PHF14: variants seen among roughly 807,000 people sequenced by gnomAD.
PHF14 encodes the protein PHD finger protein 14.
A neutral mutation model predicts 117.9 loss-of-function variants in PHF14; 55 were observed. That is an observed-to-expected ratio of 0.47 (90% CI 0.38 to 0.58). The LOEUF (loss-of-function observed/expected upper bound fraction) is 0.58. PHF14 is among the 20% of genes least tolerant of loss of function. The pLI, the probability that PHF14 is intolerant of heterozygous loss-of-function variation, is 0.00. For missense variants in PHF14, 978 were observed against 1,122.2 expected (o/e 0.87, Z 1.84); for synonymous variants, 409 against 368.6 (o/e 1.11, Z -1.26).
intron 16 of PHF14, chr7:11,109,252 G>A (rs1264359031): frequency 6.6e-6 from 1 of 151,738 alleles, no homozygotes; most frequent in Non-Finnish European, 1.5e-5. Context: ...ATAGTTTTCA[G>A]GCAAGTGAGG....
Position 11,092,504 on chromosome 7 carries a change from A to C in PHF14, c.2655-18846A>C, listed in dbSNP as rs559192636. Among the ~76,000 whole-genome samples, 3 of 152,248 alleles carry C rather than the reference A, an allele frequency of 2.0e-5. No homozygotes were observed. In the South Asian group the frequency reaches 6.2e-4, roughly 32 times the overall value. On this transcript the variant is annotated intron_variant, in intron 16 of 17. Transcript: ENST00000634607. ...AGAGATACAAAAATATCACCTATAG[A>C]AGGAATTACAGAAAAATAAGCAAAA...
intron 17 of PHF14, among the ~76,000 whole-genome samples, chr7:11,144,531 G>A (rs1196257249): frequency 6.7e-6 from 1 of 149,386 alleles, no homozygotes; most frequent in African/African-American, 2.5e-5. Context: ...AATAAACTAT[G>A]TACCTGCACC....
chr7:11,157,388 C>CG, intron 17 of PHF14, among the ~76,000 whole-genome samples: 1 of 98,578 alleles, frequency 1.0e-5, no homozygotes, highest in Admixed American at 1.0e-4. Context: ...CAATGGGTTA[C>CG]CAAAAAAAAA....
intron 16 of PHF14, among the ~76,000 whole-genome samples, chr7:11,095,819 A>G (rs562069107): frequency 6.6e-6 from 1 of 152,302 alleles, no homozygotes; most frequent in Admixed American, 6.5e-5. Context: ...AGAGTATGAG[A>G]TAAAACCTCA....
intron 16 of PHF14, among the ~76,000 whole-genome samples, chr7:11,085,759 A>G (rs1378956656): frequency 1.3e-5 from 2 of 151,964 alleles, no homozygotes; most frequent in Admixed American, 6.6e-5. Flanking sequence ...GGGTCTCACT[A>G]TATTGTCCAG....
At chr7:11,077,618 AAAAG>A (rs1313559802) in intron 16 of PHF14, among the ~76,000 whole-genome samples, 2 of 151,542 alleles carry the variant, frequency 1.3e-5, no homozygotes, top group African/African-American at 4.9e-5. Flanking sequence ...AAAAAAAAAA[AAAAG>A]ACAGATTCAA....
At chr7:11,161,283 G>A (rs994256118) in intron 17 of PHF14, among the ~76,000 whole-genome samples, 2 of 152,006 alleles carry the variant, frequency 1.3e-5, no homozygotes, top group East Asian at 3.9e-4. Context: ...ACAATGAGTC[G>A]AGTGTTGTAT....
chr7:11,150,194 G>C (rs1237052234), intron 17 of PHF14, among the ~76,000 whole-genome samples: 1 of 152,134 alleles, frequency 6.6e-6, no homozygotes, highest in Admixed American at 6.6e-5. Flanking sequence ...GAAGGGAGGA[G>C]AATGGGATGG....
chr7:11,125,365 A>G (rs1363634111), intron 17 of PHF14, among the ~76,000 whole-genome samples: 2 of 152,142 alleles, frequency 1.3e-5, no homozygotes, highest in Non-Finnish European at 2.9e-5. Context: ...TACTTTGTGT[A>G]CACTGGCAGT....
At chr7:10,987,862 C>G (rs1026113755) in intron 3 of PHF14, among the ~76,000 whole-genome samples, 3 of 151,584 alleles carry the variant, frequency 2.0e-5, no homozygotes, top group African/African-American at 7.3e-5. Context: ...TCTGTTAAAA[C>G]AGATCTAGCT....
chr7:10,995,365 T>C (rs1583342225), intron 4 of PHF14, among the ~76,000 whole-genome samples: 1 of 151,140 alleles, frequency 6.6e-6, no homozygotes, highest in African/African-American at 2.4e-5. Context: ...AGACACAGAG[T>C]GCTGATTGGT....
At chr7:11,036,307 A>T (rs1784325574) in intron 8 of PHF14, 111 bp from the exon 9 acceptor site, 1 of 943,180 alleles carries the variant, frequency 1.1e-6, no homozygotes, top group African/African-American at 1.7e-5. Flanking sequence ...CTTTGGTGTG[A>T]GAAGTTCTGA....
intron 16 of PHF14, among the ~76,000 whole-genome samples, chr7:11,072,089 A>G (rs117256719): frequency 0.047 from 7,185 of 152,306 alleles, 224 homozygotes; most frequent in Non-Finnish European, 0.075. Context: ...TAATTTACTA[A>G]GAAAAGATAT....
chr7:10,996,870 C>G (rs1409537843), intron 4 of PHF14, among the ~76,000 whole-genome samples: 1 of 152,214 alleles, frequency 6.6e-6, no homozygotes, highest in Admixed American at 6.5e-5. Context: ...CAGGAACATA[C>G]AGGAGCAAGT....
chr7:11,113,762 G>A (rs1368198952), intron 17 of PHF14, among the ~76,000 whole-genome samples: 1 of 152,024 alleles, frequency 6.6e-6, no homozygotes, highest in Non-Finnish European at 1.5e-5. Flanking sequence ...AATTTCTGTT[G>A]GCATTTTCTT....
intron 17 of PHF14, among the ~76,000 whole-genome samples, chr7:11,147,512 C>A (rs1023970959): frequency 6.6e-6 from 1 of 152,206 alleles, no homozygotes; most frequent in South Asian, 2.1e-4. Flanking sequence ...ATGTCACTTA[C>A]AATCTCTTTC....
At chr7:11,114,431 CCTGT>C (rs150892929) in intron 17 of PHF14, among the ~76,000 whole-genome samples, 1,921 of 152,022 alleles carry the variant, frequency 0.013, 35 homozygotes, top group African/African-American at 0.044. Flanking sequence ...TATCTTTACC[CCTGT>C]CTATTACTTT....
At chr7:11,049,287 A>G (rs1397699583) in intron 13 of PHF14, among the ~76,000 whole-genome samples, 7 of 152,084 alleles carry the variant, frequency 4.6e-5, no homozygotes, top group Non-Finnish European at 5.9e-5. Context: ...AGCTTGGCCA[A>G]CATATAGTGA....
intron 17 of PHF14, among the ~76,000 whole-genome samples, chr7:11,162,249 C>T (rs1789068068): frequency 6.6e-6 from 1 of 151,718 alleles, no homozygotes; most frequent in Non-Finnish European, 1.5e-5. Context: ...CCACCATACC[C>T]AGCTAATTTT....
Sources: gnomAD v4.1 joint callset for allele counts (sites outside exome capture counted in the v4.1 genomes callset) on GRCh38, gnomAD v4.1.1 for gene constraint, MANE v1.5 for transcripts, NCBI Gene and HGNC (gene_info 2026-07-23, HGNC 2026-07-21) for gene names.